Variants in SPRYD4 observed in about 807,000 individuals in gnomAD.
SPRYD4 encodes SPRY domain containing 4.
A neutral mutation model predicts 16.6 loss-of-function variants in SPRYD4; 12 were observed. The ratio of observed to expected loss-of-function variants is 0.72; its 90% CI spans 0.46 to 1.17. SPRYD4 has a LOEUF of 1.17. Ranked by LOEUF, SPRYD4 falls within the 50% of genes most tolerant of loss-of-function variation. The pLI is 0.00. For synonymous variants in SPRYD4, 98 were observed against 105.4 expected (o/e 0.93, Z 0.43); for missense variants, 260 against 260.2 (o/e 1.00, Z 0.00).
chr12:56,473,639 A>T lies in SPRYD4; in HGVS notation c.*4062A>T. ...CTGAGGATAAAGTGGGTGTGCCCCA[A>T]ATCAGAAAATAAACAAGTTAGGCTG... On this transcript the variant is annotated 3_prime_UTR_variant, in exon 2 of 2. Coordinates refer to ENST00000338146, the MANE Select transcript of SPRYD4 (RefSeq NM_207344.4). 1 of 1,571,410 alleles carries T rather than the reference A, an allele frequency of 6.4e-7. No individual in the cohort carries two copies. The highest frequency in any genetic ancestry group is 2.3e-5 in the East Asian group (1 of 44,144).
At position 56,475,836 on chromosome 12, in the gene SPRYD4, G is replaced by T. The variant is rs1318113851; in HGVS notation, c.*6259G>T. ...CACATTTCTGGAAATAAGGCTTCTA[G>T]TATGGGCTGGTGCACCTGGTAGTGG... On this transcript the variant is annotated 3_prime_UTR_variant, in exon 2 of 2. Transcript: ENST00000338146. The T allele has an allele frequency of 1.4e-5, 20 of 1,409,010 alleles. No individual in the cohort carries two copies. The highest frequency in any genetic ancestry group is 1.1e-4 in the East Asian group (5 of 43,912). The allele number at this position is 1,409,010 out of a possible 1,614,324, so 87.3% of individuals were successfully genotyped here. A position where few individuals can be genotyped will look rare whatever the true frequency, so the allele number is the denominator to read the frequency against.
In SPRYD4 at chr12:56,469,662, A is replaced by T; in HGVS notation, c.*85A>T. Reference sequence around the variant, plus strand: ...GAAGCCTTTTTACTTTGCCTCAAGCAACCTCTAGCTCCCACAATTCAGTGT... The same window carrying T: ...GAAGCCTTTTTACTTTGCCTCAAGCTACCTCTAGCTCCCACAATTCAGTGT... On this transcript the variant is annotated 3_prime_UTR_variant, in exon 2 of 2. Transcript: ENST00000338146. 7.6e-7 allele frequency: 1 copy of T among 1,313,918 alleles called. No individual in the cohort carries two copies. The highest frequency in any genetic ancestry group is 1.0e-6 in the Non-Finnish European group (1 of 971,372). 81.4% of individuals were successfully genotyped at this position (1,313,918 alleles called of 1,614,324 possible).
rs989350529 is a variant in SPRYD4, at chr12:56,473,616, G to A, written c.*4039G>A. The A allele has an allele frequency of 6.3e-7, 1 of 1,597,658 alleles. No individual in the cohort carries two copies. The highest frequency in any genetic ancestry group is 1.3e-5 in the African/African-American group (1 of 74,408). On this transcript the variant is annotated 3_prime_UTR_variant, in exon 2 of 2. Coordinates refer to ENST00000338146, the MANE Select transcript of SPRYD4 (RefSeq NM_207344.4). ...CCACCTGGGGAACAGAACTGAAGCT[G>A]AGGATAAAGTGGGTGTGCCCCAAAT...
chr12:56,477,870 A>G lies in SPRYD4; in HGVS notation c.*8293A>G, dbSNP rs1869959610. On this transcript the variant is annotated 3_prime_UTR_variant, in exon 2 of 2. Coordinates refer to ENST00000338146, the MANE Select transcript of SPRYD4 (RefSeq NM_207344.4). ...GCAGAGAAACAAAAAAGGCTGGGAG[A>G]TGGGGTGGGGATAAGGAGAAGGGGA... 4.5e-6 allele frequency: 7 copies of G among 1,566,472 alleles called. No individual in the cohort carries two copies. The highest frequency in any genetic ancestry group is 2.4e-5 in the South Asian group (2 of 84,376).
Position 56,474,813 on chromosome 12 carries a change from C to T in SPRYD4, c.*5236C>T. 6.2e-7 allele frequency: 1 copy of T among 1,614,080 alleles called. No homozygotes were observed. Among genetic ancestry groups the T allele is most frequent in the Non-Finnish European group, 8.5e-7 (1 of 1,179,956 alleles). On this transcript the variant is annotated 3_prime_UTR_variant, in exon 2 of 2. Transcript: ENST00000338146. Reference sequence around the variant, plus strand: ...AGGGCAAGGGCAAGGACAGTCTGTCCTGTTCCCTCGGCCCTGAGCAGTGTT... The same window carrying T: ...AGGGCAAGGGCAAGGACAGTCTGTCTTGTTCCCTCGGCCCTGAGCAGTGTT...
intron 1 of SPRYD4, 145 bp from the exon 2 acceptor site, chr12:56,468,894 G>T (rs1334892226): frequency 1.0e-5 from 12 of 1,151,580 alleles, no homozygotes; most frequent in Non-Finnish European, 1.4e-5. Flanking sequence ...GTAGTAAAGC[G>T]ACCTCGCGAC....
In SPRYD4 at chr12:56,472,037, G is replaced by T; in HGVS notation, c.*2460G>T. On this transcript the variant is annotated 3_prime_UTR_variant, in exon 2 of 2. Coordinates refer to ENST00000338146, the MANE Select transcript of SPRYD4 (RefSeq NM_207344.4). ...AGTTGCTGCCCCTATAACCTTGAGG[G>T]CACATATAATGAAGGTACTTTTGGT... 2 of 1,469,764 alleles carry T rather than the reference G, an allele frequency of 1.4e-6. No individual in the cohort carries two copies. The highest frequency in any genetic ancestry group is 1.4e-5 in the African/African-American group (1 of 71,842). The allele number at this position is 1,469,764 out of a possible 1,614,324, so 91.0% of individuals were successfully genotyped here. A position where few individuals can be genotyped will look rare whatever the true frequency, so the allele number is the denominator to read the frequency against.
chr12:56,468,922 A>G, intron 1 of SPRYD4, 117 bp from the exon 2 acceptor site: 1 of 1,349,228 alleles, frequency 7.4e-7, no homozygotes, highest in East Asian at 2.3e-5. Flanking sequence ...CCCGCTTGGC[A>G]TTCTGACTCT....
chr12:56,468,983 A>G (rs752766596), intron 1 of SPRYD4, 56 bp from the exon 2 acceptor site: 881 of 1,508,792 alleles, frequency 5.8e-4, no homozygotes, highest in Non-Finnish European at 7.4e-4. Flanking sequence ...TGAATATATC[A>G]CCAGCCCTAG....
rs1214947018 is a variant in SPRYD4, at chr12:56,478,959, G to A, written c.*9382G>A. 1.2e-5 allele frequency: 18 copies of A among 1,478,264 alleles called. No homozygotes were observed. The highest frequency in any genetic ancestry group is 4.6e-5 in the East Asian group (2 of 43,738). 91.6% of individuals were successfully genotyped at this position (1,478,264 alleles called of 1,614,324 possible). On this transcript the variant is annotated 3_prime_UTR_variant, in exon 2 of 2. Transcript: ENST00000338146. The stretch of plus-strand genomic sequence containing the variant: ...AGATTGCACCATTGCACTCCAGCCC[G>A]GGTGACAGAGCAAAACTCTGTCTCA...
rs1290127267 is a variant in SPRYD4, at chr12:56,476,185, GCTTTGTCAC to G, written c.*6610_*6618del. On this transcript the variant is annotated 3_prime_UTR_variant, in exon 2 of 2. Coordinates refer to ENST00000338146, the MANE Select transcript of SPRYD4 (RefSeq NM_207344.4). ...TCTTTCTTTTTTTTGAGACAGTCTTGCTTTGTCACCCTTGTCACCCAGGCTGGAGTGCAG... is the reference window on the plus strand; with the variant it reads ...TCTTTCTTTTTTTTGAGACAGTCTTGCCTTGTCACCCAGGCTGGAGTGCAG... 7 of 434,820 alleles carry G rather than the reference GCTTTGTCAC, an allele frequency of 1.6e-5. No homozygotes were observed. The East Asian group carries it at 2.6e-4, about 16-fold the overall frequency. 26.9% of individuals were successfully genotyped at this position (434,820 alleles called of 1,614,324 possible).
Position 56,475,846 on chromosome 12 carries a change from G to A in SPRYD4, c.*6269G>A, listed in dbSNP as rs1043348071. 8.4e-6 allele frequency: 12 copies of A among 1,431,890 alleles called. No individual in the cohort carries two copies. Among genetic ancestry groups the A allele is most frequent in the Admixed American group, 3.4e-5 (2 of 59,290 alleles). 88.7% of individuals were successfully genotyped at this position (1,431,890 alleles called of 1,614,324 possible). A position where few individuals can be genotyped will look rare whatever the true frequency, so the allele number is the denominator to read the frequency against. ...GAAATAAGGCTTCTAGTATGGGCTG[G>A]TGCACCTGGTAGTGGGGTTAGAGAG... On this transcript the variant is annotated 3_prime_UTR_variant, in exon 2 of 2. Coordinates refer to ENST00000338146, the MANE Select transcript of SPRYD4 (RefSeq NM_207344.4).
In SPRYD4 at chr12:56,471,778, C is replaced by T. The variant is rs1428302222; in HGVS notation, c.*2201C>T. The T allele has an allele frequency of 6.2e-7, 1 of 1,614,000 alleles. No homozygotes were observed. The highest frequency in any genetic ancestry group is 8.5e-7 in the Non-Finnish European group (1 of 1,180,032). On this transcript the variant is annotated 3_prime_UTR_variant, in exon 2 of 2. Transcript: ENST00000338146. ...ACTTTTAGCCTATTCCTCACCTGTC[C>T]TTGGCAAAAGGATTCACTTTGCAAG... is the stretch of plus-strand genomic sequence containing the variant.
chr12:56,472,023 C>CT lies in SPRYD4; in HGVS notation c.*2447dup. 1 of 1,408,424 alleles carries CT rather than the reference C, an allele frequency of 7.1e-7. No individual in the cohort carries two copies. The allele number at this position is 1,408,424 out of a possible 1,614,324, so 87.2% of individuals were successfully genotyped here. ...GTCTAGATAAAACTAGTTGCTGCCC[C>CT]TATAACCTTGAGGGCACATATAATG... On this transcript the variant is annotated 3_prime_UTR_variant, in exon 2 of 2. Transcript: ENST00000338146.
Position 56,477,899 on chromosome 12 carries a change from C to G in SPRYD4, c.*8322C>G, listed in dbSNP as rs891591079. 3 of 1,599,120 alleles carry G rather than the reference C, an allele frequency of 1.9e-6. No homozygotes were observed. The highest frequency in any genetic ancestry group is 2.6e-6 in the Non-Finnish European group (3 of 1,172,046). On this transcript the variant is annotated 3_prime_UTR_variant, in exon 2 of 2. Transcript: ENST00000338146. ...GGTGGGGATAAGGAGAAGGGGACAG[C>G]TGTAAGTACGGTCTGAGCCTTGGTA...
intron 1 of SPRYD4, 179 bp from the exon 2 acceptor site, chr12:56,468,860 G>A: frequency 9.6e-7 from 1 of 1,039,956 alleles, no homozygotes; most frequent in East Asian, 2.6e-5. Context: ...CTCAATCCGA[G>A]TTTTTCAGCT....
chr12:56,468,969 T>C, intron 1 of SPRYD4, 70 bp from the exon 2 acceptor site: 1 of 1,498,974 alleles, frequency 6.7e-7, no homozygotes, highest in Non-Finnish European at 8.9e-7. Context: ...GCCTGCCTCA[T>C]ATCTGAATAT....
Position 56,473,440 on chromosome 12 carries a change from G to A in SPRYD4, c.*3863G>A, listed in dbSNP as rs1353702705. 1.2e-6 allele frequency: 2 copies of A among 1,608,174 alleles called. No individual in the cohort carries two copies. Among genetic ancestry groups the A allele is most frequent in the Admixed American group, 1.7e-5 (1 of 59,328 alleles). ...AAATTTATTGCTTCAAAAATAGTAA[G>A]TACTATATGCAAAGCATCTCACCTG... is the stretch of plus-strand genomic sequence containing the variant. On this transcript the variant is annotated 3_prime_UTR_variant, in exon 2 of 2. Transcript: ENST00000338146.
Position 56,471,295 on chromosome 12 carries a change from C to G in SPRYD4, c.*1718C>G. ...CTGTACTGCAGGTGTCCTCTGAGGC[C>G]CTTCTCTGTACTCTGTCTGCTGAGG... is the stretch of plus-strand genomic sequence containing the variant. On this transcript the variant is annotated 3_prime_UTR_variant, in exon 2 of 2. Coordinates refer to ENST00000338146, the MANE Select transcript of SPRYD4 (RefSeq NM_207344.4). 2 of 582,606 alleles carry G rather than the reference C, an allele frequency of 3.4e-6. No individual in the cohort carries two copies. Among genetic ancestry groups the G allele is most frequent in the East Asian group, 2.9e-5 (1 of 34,776 alleles). The allele number at this position is 582,606 out of a possible 1,614,324, so 36.1% of individuals were successfully genotyped here. A position where few individuals can be genotyped will look rare whatever the true frequency, so the allele number is the denominator to read the frequency against.
Sources: gnomAD v4.1 joint callset for allele counts on GRCh38, gnomAD v4.1.1 for gene constraint, MANE v1.5 for transcripts, NCBI Gene and HGNC (gene_info 2026-07-23, HGNC 2026-07-21) for gene names.